SEMA6C: variants seen among roughly 807,000 people sequenced by gnomAD.
The protein encoded by SEMA6C is semaphorin-6C.
SEMA6C carries 37 observed loss-of-function variants against 72.9 expected under a neutral mutation model. The ratio of observed to expected loss-of-function variants is 0.51; its 90% CI spans 0.39 to 0.67. SEMA6C has a LOEUF of 0.67. Among genes scored for constraint, SEMA6C ranks in the 30% least tolerant of loss-of-function variants. The pLI, the probability that SEMA6C is intolerant of heterozygous loss-of-function variation, is 0.00. For synonymous variants in SEMA6C, 578 were observed against 554.1 expected (o/e 1.04, Z -0.61); for missense variants, 1,189 against 1,263.6 (o/e 0.94, Z 0.89).
At chr1:151,139,146 G>A (rs1682311818) in intron 6 of SEMA6C, among the ~76,000 whole-genome samples, 1 of 151,770 alleles carries the variant, frequency 6.6e-6, no homozygotes, top group Admixed American at 6.6e-5. Context: ...CTACTCCTCT[G>A]GAGCCCAACA....
rs113931841 is a variant in SEMA6C, at chr1:151,132,674, G to A, written c.2603C>T (p.Pro868Leu). 1 of 1,546,784 alleles carries A rather than the reference G, an allele frequency of 6.5e-7. No homozygotes were observed. The highest frequency in any genetic ancestry group is 1.2e-5 in the South Asian group (1 of 83,878). Residue 868 changes from proline to leucine, a missense_variant, in exon 19 of 19, where the codon CCC (proline) becomes CTC (leucine). Physicochemically the swap from Pro to Leu is moderately conservative, Grantham distance 98. Transcript: ENST00000368914. ...RAPPALLTRV[P>L]SGGPSRYSGG... is the part of the protein sequence containing the mutation. ...GGAGTACCTGGAGGGACCTCCCGAG[G>A]GGACTCGAGTGAGCAGGGCAGGGGG...
rs1572016442 is a variant in SEMA6C, at chr1:151,132,558, A to G, written c.2719T>C (p.Leu907=). The part of the protein sequence containing the change: ...LKRVDVEKPQ[L]SLKPPLVGPS... Reference sequence around the variant, plus strand: ...CCGACGAGGGGAGGCTTCAGGGACAACTGGGGCTTCTCGACGTCCACCCTT... The same window carrying G: ...CCGACGAGGGGAGGCTTCAGGGACAGCTGGGGCTTCTCGACGTCCACCCTT... The change falls in exon 19 of 19, where the codon TTG becomes CTG. Residue 907 remains leucine, a synonymous_variant. Coordinates refer to ENST00000368914, the MANE Select transcript of SEMA6C (RefSeq NM_030913.6). 1.3e-6 allele frequency: 2 copies of G among 1,551,148 alleles called. No homozygotes were observed. The highest frequency in any genetic ancestry group is 2.7e-5 in the African/African-American group (2 of 73,084).
At chr1:151,136,691 G>A in intron 11 of SEMA6C, 112 bp from the exon 12 acceptor site, 1 of 1,445,438 alleles carries the variant, frequency 6.9e-7, no homozygotes, top group Non-Finnish European at 9.5e-7. Flanking sequence ...GACTGAGGAG[G>A]TGGGGCAGCC....
At chr1:151,134,124 C>T (rs1260272855) in intron 18 of SEMA6C, 1 of 1,151,276 alleles carries the variant, frequency 8.7e-7, no homozygotes, top group Non-Finnish European at 1.2e-6. Flanking sequence ...TTCCAGGGGT[C>T]CTTCCTCCCT....
At chr1:151,135,480 TC>T in intron 14 of SEMA6C, 110 bp downstream of exon 14, 2 of 1,462,314 alleles carry the variant, frequency 1.4e-6, no homozygotes, top group East Asian at 2.3e-5. Context: ...AGCCCAGAGC[TC>T]CCACCCTGCA....
intron 14 of SEMA6C, 85 bp from the exon 15 acceptor site, chr1:151,135,394 C>A: frequency 6.5e-7 from 1 of 1,541,502 alleles, no homozygotes; most frequent in Non-Finnish European, 8.8e-7. Context: ...AGCGGGGAGG[C>A]ACACAAGCAA....
In SEMA6C at chr1:151,133,059, C is replaced by T. The variant is rs1213059011; in HGVS notation, c.2218G>A (p.Ala740Thr). ...ACGCGGGGCGCGGGCCCGCCCGCCGCGTGCCCGCCCCGTGAGCGGCCCGGA... is the reference window on the plus strand; with the variant it reads ...ACGCGGGGCGCGGGCCCGCCCGCCGTGTGCCCGCCCCGTGAGCGGCCCGGA... Reference protein sequence around the residue: ...EGPGRSRGGHAAGGPAPRVLV... With the variant: ...EGPGRSRGGHTAGGPAPRVLV... The change falls in exon 19 of 19, where the codon GCG becomes ACG. Residue 740 changes from alanine to threonine, a missense_variant. Transcript: ENST00000368914. This position sits in a 1 kb window ranked among gnomAD's most constrained non-coding sequence, Gnocchi z 5.9. 1 of 1,442,966 alleles carries T rather than the reference C, an allele frequency of 6.9e-7. No homozygotes were observed. Among genetic ancestry groups the T allele is most frequent in the South Asian group, 1.4e-5 (1 of 73,124 alleles). The allele number at this position is 1,442,966 out of a possible 1,614,324, so 89.4% of individuals were successfully genotyped here.
chr1:151,136,043 G>T lies in SEMA6C; in HGVS notation c.1227C>A (p.Val409=). Reference sequence around the variant, plus strand: ...TGAGAGTGAGTAGAGGCTGATGGGTGACAGGTGGTACAGCGGGGTCCAGCA... The same window carrying T: ...TGAGAGTGAGTAGAGGCTGATGGGTTACAGGTGGTACAGCGGGGTCCAGCA... The part of the protein sequence containing the change: ...HPLLDPAVPP[V]THQPLLTLTS... The change falls in exon 13 of 19, where the codon GTC becomes GTA. Residue 409 remains valine (V), a synonymous_variant. Coordinates refer to ENST00000368914, the MANE Select transcript of SEMA6C (RefSeq NM_030913.6). The T allele has an allele frequency of 6.2e-7, 1 of 1,614,160 alleles. No individual in the cohort carries two copies. The highest frequency in any genetic ancestry group is 8.5e-7 in the Non-Finnish European group (1 of 1,180,032).
chr1:151,139,308 T>G, intron 6 of SEMA6C, 117 bp downstream of exon 6: 1 of 852,478 alleles, frequency 1.2e-6, no homozygotes, highest in Admixed American at 1.9e-5. Flanking sequence ...CATTTTCCCC[T>G]GTGGCCTGGG....
Position 151,132,683 on chromosome 1 carries a change from G to A in SEMA6C, c.2594C>T (p.Thr865Ile). 1 of 1,544,856 alleles carries A rather than the reference G, an allele frequency of 6.5e-7. No individual in the cohort carries two copies. The highest frequency in any genetic ancestry group is 8.7e-7 in the Non-Finnish European group (1 of 1,143,858). ...SGHRAPPALL[T>I]RVPSGGPSRY... is the part of the protein sequence containing the mutation. ...GGAGGGACCTCCCGAGGGGACTCGA[G>A]TGAGCAGGGCAGGGGGGGCCCGGTG... The change falls in exon 19 of 19, where the codon ACT becomes ATT. Residue 865 changes from threonine (T) to isoleucine (I), a missense_variant. Physicochemically the swap from Thr to Ile is moderately conservative, Grantham distance 89 (BLOSUM62 -1). Transcript: ENST00000368914.
rs587609620 is a variant in SEMA6C, at chr1:151,133,829, C to T, written c.1760-312G>A. On this transcript the variant is annotated intron_variant, in intron 18 of 18. Coordinates refer to ENST00000368914, the MANE Select transcript of SEMA6C (RefSeq NM_030913.6). The surrounding 1 kb of genome is among the most constrained non-coding windows in gnomAD (Gnocchi z 5.9). ...GCAGGAGAACTCGGGGCTGGGATGC[C>T]CAATTCTGGGGAAGGGAGGCTCCAA... 298 of 947,538 alleles carry T rather than the reference C, an allele frequency of 3.1e-4. 4 individuals carry two copies. The South Asian group carries it at 4.7e-3, about 15-fold the overall frequency. 58.7% of individuals were successfully genotyped at this position (947,538 alleles called of 1,614,324 possible).
chr1:151,139,622 C>T lies in SEMA6C; in HGVS notation c.297+16G>A, dbSNP rs1271739597. 6.2e-7 allele frequency: 1 copy of T among 1,605,650 alleles called. No individual in the cohort carries two copies. Among genetic ancestry groups the T allele is most frequent in the Non-Finnish European group, 8.5e-7 (1 of 1,173,762 alleles). ...CTCATCTCCACGTCTGCACCTCTTCCCACACAGCCCCTCACCTTGTTGGGC... is the reference window on the plus strand; with the variant it reads ...CTCATCTCCACGTCTGCACCTCTTCTCACACAGCCCCTCACCTTGTTGGGC... On this transcript the variant is annotated intron_variant, in intron 5 of 18. Coordinates refer to ENST00000368914, the MANE Select transcript of SEMA6C (RefSeq NM_030913.6).
Position 151,132,677 on chromosome 1 carries a change from A to T in SEMA6C, c.2600T>A (p.Val867Asp). ...GTACCTGGAGGGACCTCCCGAGGGG[A>T]CTCGAGTGAGCAGGGCAGGGGGGGC... Reference protein sequence around the residue: ...HRAPPALLTRVPSGGPSRYSG... With the variant: ...HRAPPALLTRDPSGGPSRYSG... The change falls in exon 19 of 19, where the codon GTC (valine) becomes GAC (aspartate). Residue 867 changes from valine to aspartate, a missense_variant. By Grantham distance (152) the Val-to-Asp change is radical. Transcript: ENST00000368914. 3 of 1,545,696 alleles carry T rather than the reference A, an allele frequency of 1.9e-6. No individual in the cohort carries two copies. Among genetic ancestry groups the T allele is most frequent in the Non-Finnish European group, 2.6e-6 (3 of 1,144,478 alleles).
Position 151,132,991 on chromosome 1 carries a change from C to T in SEMA6C, c.2286G>A (p.Val762=). The T allele has an allele frequency of 7.1e-7, 1 of 1,411,598 alleles. No homozygotes were observed. The highest frequency in any genetic ancestry group is 9.3e-7 in the Non-Finnish European group (1 of 1,079,144). 87.4% of individuals were successfully genotyped at this position (1,411,598 alleles called of 1,614,324 possible). ...PPPPGCPGQA[V]EVTTLEELLR... is the part of the protein sequence containing the mutation. Reference sequence around the variant, plus strand: ...GCAGTTCCTCCAGGGTGGTGACTTCCACGGCCTGCCCGGGACAGCCGGGCG... The same window carrying T: ...GCAGTTCCTCCAGGGTGGTGACTTCTACGGCCTGCCCGGGACAGCCGGGCG... Residue 762 remains valine (V), a synonymous_variant, in exon 19 of 19, where the codon GTG becomes GTA. Coordinates refer to ENST00000368914, the MANE Select transcript of SEMA6C (RefSeq NM_030913.6).
chr1:151,135,751 G>C lies in SEMA6C; in HGVS notation c.1273C>G (p.Gln425Glu). ...CCAGCCATGCCATCCACAGCTACTT[G>C]GGTCAGTAGGGCCCTGGAGGAAAGG... ...LTLTSRALLT[Q>E]VAVDGMAGPH... The change falls in exon 14 of 19, where the codon CAA (glutamine) becomes GAA (glutamate). Residue 425 changes from glutamine (Q) to glutamate (E), a missense_variant. Gln to Glu is a conservative substitution (Grantham distance 29, BLOSUM62 2). This residue lies in a region of SEMA6C where 468 missense variants were observed against 577.4 expected (regional missense o/e 0.81). Transcript: ENST00000368914. 1 of 1,614,096 alleles carries C rather than the reference G, an allele frequency of 6.2e-7. No individual in the cohort carries two copies. The highest frequency in any genetic ancestry group is 8.5e-7 in the Non-Finnish European group (1 of 1,179,960).
Position 151,133,636 on chromosome 1 carries a change from C to T in SEMA6C, c.1760-119G>A, listed in dbSNP as rs932495095. On this transcript the variant is annotated intron_variant, in intron 18 of 18. Transcript: ENST00000368914. The surrounding 1 kb of genome is among the most constrained non-coding windows in gnomAD (Gnocchi z 5.9). ...CATCGTCCCTCCCGCTGCTACTCAG[C>T]CTCACTCCTACAGCCTCCACCATCC... 7 of 1,416,414 alleles carry T rather than the reference C, an allele frequency of 4.9e-6. No homozygotes were observed. The highest frequency in any genetic ancestry group is 1.5e-5 in the African/African-American group (1 of 68,870). 87.7% of individuals were successfully genotyped at this position (1,416,414 alleles called of 1,614,324 possible).
chr1:151,135,628 T>G lies in SEMA6C; in HGVS notation c.1396A>C (p.Ile466Leu). Reference sequence around the variant, plus strand: ...TAGGCATCAATCTCTTCCAGGAGGATGGGCTCAGGTCCCCCGGATCGCCCA... The same window carrying G: ...TAGGCATCAATCTCTTCCAGGAGGAGGGGCTCAGGTCCCCCGGATCGCCCA... ...PGGRSGGPEP[I>L]LLEEIDAYSP... The change falls in exon 14 of 19, where the codon ATC becomes CTC. Residue 466 changes from isoleucine (I) to leucine (L), a missense_variant. Transcript: ENST00000368914. The G allele has an allele frequency of 3.1e-6, 5 of 1,614,164 alleles. No individual in the cohort carries two copies. Among genetic ancestry groups the G allele is most frequent in the Non-Finnish European group, 3.4e-6 (4 of 1,180,016 alleles).
Position 151,131,865 on chromosome 1 carries a change from C to T in SEMA6C, c.*619G>A. On this transcript the variant is annotated 3_prime_UTR_variant, in exon 19 of 19. Transcript: ENST00000368914. ...TAAACTTTACCGGGGTCCCCCTGGC[C>T]CTGGCTCACCTCGACACCGTTAATT... The T allele has an allele frequency of 5.8e-6, 1 of 173,458 alleles. No individual in the cohort carries two copies. The highest frequency in any genetic ancestry group is 1.3e-5 in the Non-Finnish European group (1 of 79,896). The allele number at this position is 173,458 out of a possible 1,614,324, so 10.7% of individuals were successfully genotyped here.
chr1:151,137,121 G>A (rs368548517), intron 10 of SEMA6C, 47 bp from the exon 11 acceptor site: 385 of 1,540,388 alleles, frequency 2.5e-4, no homozygotes, highest in Non-Finnish European at 3.3e-4. Context: ...GACCCACAGG[G>A]CCAGCTGCAT....
Sources: gnomAD v4.1 joint callset for allele counts (sites outside exome capture counted in the v4.1 genomes callset) on GRCh38, gnomAD v4.1.1 for gene constraint, gnomAD v4.1.1 regional missense constraint, Gnocchi (gnomAD v3.1) non-coding constraint, MANE v1.5 for transcripts, NCBI Gene and HGNC (gene_info 2026-07-23, HGNC 2026-07-21) for gene names.